Variants in BLVRB observed in about 807,000 individuals in gnomAD.
BLVRB encodes flavin reductase (NADPH).
Under a neutral mutation model 21.1 loss-of-function variants are expected in BLVRB, and 25 were observed. That is an observed-to-expected ratio of 1.19 (90% CI 0.86 to 1.66). The LOEUF is 1.66. Ranked by LOEUF, BLVRB falls within the 40% of genes most tolerant of loss-of-function variation. The pLI, the probability that BLVRB is intolerant of heterozygous loss-of-function variation, is 0.00. For synonymous variants in BLVRB, 128 were observed against 122.2 expected (o/e 1.05, Z -0.31); for missense variants, 274 against 282.7 (o/e 0.97, Z 0.22).
rs1555806553 is a variant in BLVRB, at chr19:40,462,279, CT to C, written c.79+3330del. 2.2e-3 allele frequency among the ~76,000 whole-genome samples: 284 copies of C among 129,550 alleles called. 1 individual carries two copies. The highest frequency in any genetic ancestry group is 4.1e-3 in the Middle Eastern group (1 of 244). The allele number at this position is 129,550 out of a possible 152,430, so 85.0% of individuals were successfully genotyped here. A position where few individuals can be genotyped will look rare whatever the true frequency, so the allele number is the denominator to read the frequency against. On this transcript the variant is annotated intron_variant, in intron 1 of 4. Transcript: ENST00000263368. ...GCTTGCATGGGCCAATATGGGCATT[CT>C]TTTTTTTTTTTTTTTTGAGATGAAG...
chr19:40,458,158 A>C lies in BLVRB; in HGVS notation c.331T>G (p.Ser111Ala). The C allele has an allele frequency of 6.2e-7, 1 of 1,613,656 alleles. No homozygotes were observed. Among genetic ancestry groups the C allele is most frequent in the Non-Finnish European group, 8.5e-7 (1 of 1,179,754 alleles). ...CCTCCATGATCCCACCACCCACCCG[A>C]GGTGCAGGCCACGACCTTGTCCACA... ...HGVDKVVACT[S>A]AFLLWDPTKV... Residue 111 changes from serine to alanine, a missense_variant, in exon 3 of 5, where the codon TCG becomes GCG. Physicochemically the swap from Ser to Ala is moderately conservative, Grantham distance 99. Coordinates refer to ENST00000263368, the MANE Select transcript of BLVRB (RefSeq NM_000713.3).
chr19:40,464,655 C>T (rs553246204), intron 1 of BLVRB, among the ~76,000 whole-genome samples: 1 of 152,276 alleles, frequency 6.6e-6, no homozygotes, highest in Non-Finnish European at 1.5e-5. Flanking sequence ...ACTGAGAGGC[C>T]CACAGCTCCC....
chr19:40,448,091 C>G lies in BLVRB; in HGVS notation c.464-45G>C, dbSNP rs920532200. On this transcript the variant is annotated intron_variant, in intron 4 of 4. Transcript: ENST00000263368. ...GGGGCTGGATAAAGCAGACACCTTT[C>G]CCTTCCCCCAAAATTCGACCCCCAG... 6 of 1,577,288 alleles carry G rather than the reference C, an allele frequency of 3.8e-6. No individual in the cohort carries two copies. In the African/African-American group the frequency reaches 6.7e-5, roughly 18 times the overall value.
At chr19:40,448,720 C>T (rs1002690402) in intron 4 of BLVRB, among the ~76,000 whole-genome samples, 26 of 150,384 alleles carry the variant, frequency 1.7e-4, no homozygotes, top group African/African-American at 6.1e-4. Flanking sequence ...ATCACCCAAA[C>T]AGAGACAGGC....
At chr19:40,455,988 AAAATAAAT>A (rs535015157) in intron 3 of BLVRB, among the ~76,000 whole-genome samples, 2 of 152,012 alleles carry the variant, frequency 1.3e-5, no homozygotes. Context: ...ACCCGGTCTC[AAAATAAAT>A]AAATAAATAG....
chr19:40,449,035 G>A (rs1599684909), intron 4 of BLVRB, among the ~76,000 whole-genome samples: 1 of 151,664 alleles, frequency 6.6e-6, no homozygotes, highest in East Asian at 2.0e-4. Context: ...CCAAGATTGT[G>A]CCATTGCGCT....
In BLVRB at chr19:40,449,927, T is replaced by A. The variant is rs370998207; in HGVS notation, c.463+1437A>T. 2.0e-5 allele frequency among the ~76,000 whole-genome samples: 3 copies of A among 151,908 alleles called. No individual in the cohort carries two copies. The South Asian group carries it at 6.2e-4, about 32-fold the overall frequency. On this transcript the variant is annotated intron_variant, in intron 4 of 4. Coordinates refer to ENST00000263368, the MANE Select transcript of BLVRB (RefSeq NM_000713.3). ...AAGTTTTCACACACTTGGCTGGGCGTGGTGGCTCACGCCTGTAATCCCAGC... is the reference window on the plus strand; with the variant it reads ...AAGTTTTCACACACTTGGCTGGGCGAGGTGGCTCACGCCTGTAATCCCAGC...
chr19:40,448,112 C>A, intron 4 of BLVRB, 66 bp from the exon 5 acceptor site: 1 of 1,537,504 alleles, frequency 6.5e-7, no homozygotes, highest in East Asian at 2.3e-5. Flanking sequence ...AAATTCGACC[C>A]CCAGAAAGAC....
intron 1 of BLVRB, among the ~76,000 whole-genome samples, chr19:40,462,510 C>T (rs924267950): frequency 4.6e-5 from 7 of 150,858 alleles, no homozygotes; most frequent in African/African-American, 1.5e-4. Flanking sequence ...GATCTCCTGA[C>T]CTTGTGATCC....
intron 4 of BLVRB, among the ~76,000 whole-genome samples, chr19:40,449,842 C>G (rs1428908013): frequency 1.3e-5 from 2 of 152,082 alleles, no homozygotes; most frequent in Non-Finnish European, 2.9e-5. Context: ...AGCATTGAAC[C>G]TAAACAAAGG....
rs181749959 is a variant in BLVRB at position 40,449,175 on chromosome 19, G to A, written c.464-1129C>T. ...CAAAACAGCTAGAAAAATCCAGAATGTGGGCCTTTAAAGTCACCTGGCCTG... is the reference window on the plus strand; with the variant it reads ...CAAAACAGCTAGAAAAATCCAGAATATGGGCCTTTAAAGTCACCTGGCCTG... On this transcript the variant is annotated intron_variant, in intron 4 of 4. Coordinates refer to ENST00000263368, the MANE Select transcript of BLVRB (RefSeq NM_000713.3). Among the ~76,000 whole-genome samples, 16 of 152,130 alleles carry A rather than the reference G, an allele frequency of 1.1e-4. 1 individual carries two copies. In the East Asian group the frequency reaches 3.1e-3, roughly 29 times the overall value.
At chr19:40,460,919 C>G (rs375981738) in intron 1 of BLVRB, among the ~76,000 whole-genome samples, 11 of 152,178 alleles carry the variant, frequency 7.2e-5, no homozygotes, top group African/African-American at 2.7e-4. Flanking sequence ...TTGCAGTCAG[C>G]TGAGATTGTG....
Position 40,451,466 on chromosome 19 carries a change from C to G in BLVRB, c.361G>C (p.Val121Leu). ...GTCACAGCCTGCAGTCGTGGGGGCACCTTGGTAGGGTCCCAGAGCAGGAAA... is the reference window on the plus strand; with the variant it reads ...GTCACAGCCTGCAGTCGTGGGGGCAGCTTGGTAGGGTCCCAGAGCAGGAAA... Reference protein sequence around the residue: ...SAFLLWDPTKVPPRLQAVTDD... With the variant: ...SAFLLWDPTKLPPRLQAVTDD... The change falls in exon 4 of 5, where the codon GTG becomes CTG. Residue 121 changes from valine to leucine, a missense_variant. Val to Leu is a conservative substitution (Grantham distance 32). Transcript: ENST00000263368. The G allele has an allele frequency of 6.2e-7, 1 of 1,613,134 alleles. No homozygotes were observed. The highest frequency in any genetic ancestry group is 8.5e-7 in the Non-Finnish European group (1 of 1,179,634).
chr19:40,457,774 A>G (rs745663038), intron 3 of BLVRB: 8 of 236,908 alleles, frequency 3.4e-5, no homozygotes, highest in African/African-American at 9.0e-5. Context: ...CCACAGCTCT[A>G]TCACTTCCTC....
intron 4 of BLVRB, 24 bp from the exon 5 acceptor site, chr19:40,448,070 C>G (rs778070390): frequency 6.3e-7 from 1 of 1,596,604 alleles, no homozygotes; most frequent in African/African-American, 1.3e-5. Flanking sequence ...ACAAGAGGGG[C>G]TGGATAAAGC....
At position 40,451,344 on chromosome 19, in the gene BLVRB, C is replaced by A; in HGVS notation, c.463+20G>T. 1 of 1,591,080 alleles carries A rather than the reference C, an allele frequency of 6.3e-7. No individual in the cohort carries two copies. The highest frequency in any genetic ancestry group is 8.6e-7 in the Non-Finnish European group (1 of 1,168,892). ...AACAGGCAGATGGCATTGGTGCCAC[C>A]AGGTCCCTGCCCTGCTTACCTATGT... On this transcript the variant is annotated intron_variant, in intron 4 of 4. Coordinates refer to ENST00000263368, the MANE Select transcript of BLVRB (RefSeq NM_000713.3).
intron 3 of BLVRB, among the ~76,000 whole-genome samples, chr19:40,454,767 A>G (rs756507049): frequency 2.7e-4 from 41 of 151,890 alleles, no homozygotes; most frequent in Non-Finnish European, 5.2e-4. Context: ...GGATGGTCTC[A>G]ATCTCCTGAC....
chr19:40,450,059 G>A (rs1023895157), intron 4 of BLVRB, among the ~76,000 whole-genome samples: 1 of 151,372 alleles, frequency 6.6e-6, no homozygotes, highest in Non-Finnish European at 1.5e-5. Context: ...TTAGCTGGGC[G>A]TGGTGGCACG....
chr19:40,451,564 C>T (rs1413633345), intron 3 of BLVRB, 72 bp from the exon 4 acceptor site: 10 of 1,438,632 alleles, frequency 7.0e-6, no homozygotes, highest in South Asian at 4.4e-5. Context: ...GACAGAGTGT[C>T]GCTTTGTCAC....
Sources: allele counts gnomAD v4.1 joint callset (sites outside exome capture counted in the v4.1 genomes callset), GRCh38; gene constraint gnomAD v4.1.1; transcripts MANE v1.5; gene names NCBI Gene and HGNC (gene_info 2026-07-23, HGNC 2026-07-21).